UBE2S: variants seen among roughly 807,000 people sequenced by gnomAD.
UBE2S encodes ubiquitin-conjugating enzyme E2 S.
Under a neutral mutation model 12.3 loss-of-function variants are expected in UBE2S, and 3 were observed. The observed-to-expected ratio is 0.24, with a 90% CI of 0.11 to 0.63. The LOEUF is 0.63. UBE2S is among the 30% of genes least tolerant of loss of function. UBE2S has a pLI of 0.85. For synonymous variants in UBE2S, 133 were observed against 142.0 expected, an observed-to-expected ratio of 0.94 and a Z score of 0.45; for missense variants, 211 against 313.9, an observed-to-expected ratio of 0.67 and a Z score of 2.48.
At chr19:55,407,200 C>G (rs1422600701) in intron 1 of UBE2S, among the ~76,000 whole-genome samples, 17 of 150,458 alleles carry the variant, frequency 1.1e-4, no homozygotes, top group Admixed American at 2.6e-4. Context: ...CCAGAACCCC[C>G]CCCCCAAAGC....
chr19:55,403,046 T>C (rs2090072881), intron 3 of UBE2S: 2 of 1,445,786 alleles, frequency 1.4e-6, no homozygotes, highest in East Asian at 2.5e-5. Flanking sequence ...TCATTCTGTG[T>C]CATGGAGCCA....
At position 55,404,222 on chromosome 19, in the gene UBE2S, T is replaced by C; in HGVS notation, c.342+66A>G. On this transcript the variant is annotated intron_variant, in intron 3 of 3. Coordinates refer to ENST00000264552, the MANE Select transcript of UBE2S (RefSeq NM_014501.3). The surrounding 1 kb of genome is among the most constrained non-coding windows in gnomAD (Gnocchi z 4.4). Reference sequence around the variant, plus strand: ...TTCAGAAAAACTAAACAAAGCGCTATGGCTCAGACACCAGCAGACCTCCAG... The same window carrying C: ...TTCAGAAAAACTAAACAAAGCGCTACGGCTCAGACACCAGCAGACCTCCAG... 3 of 1,593,754 alleles carry C rather than the reference T, an allele frequency of 1.9e-6. No individual in the cohort carries two copies. Among genetic ancestry groups the C allele is most frequent in the East Asian group, 2.2e-5 (1 of 44,710 alleles).
Position 55,401,401 on chromosome 19 carries a change from G to C in UBE2S, c.*35C>G. The C allele has an allele frequency of 6.9e-7, 1 of 1,456,918 alleles. No homozygotes were observed. Among genetic ancestry groups the C allele is most frequent in the Admixed American group, 1.8e-5 (1 of 54,102 alleles). The allele number at this position is 1,456,918 out of a possible 1,614,324, so 90.2% of individuals were successfully genotyped here. A position where few individuals can be genotyped will look rare whatever the true frequency, so the allele number is the denominator to read the frequency against. ...AGAGTTGGAGGGAGGGGACAGGAGA[G>C]GTTGGGGTCACGGTGGAAGGAGGAA... On this transcript the variant is annotated 3_prime_UTR_variant, in exon 4 of 4. Transcript: ENST00000264552.
chr19:55,401,547 C>A lies in UBE2S; in HGVS notation c.558G>T (p.Gly186=), dbSNP rs567912804. ...EASSTDPGAP[G]GPGGAEGPMA... is the part of the protein sequence containing the mutation. Reference sequence around the variant, plus strand: ...TGGGACCCTCAGCCCCTCCCGGGCCCCCTGGGGCCCCAGGGTCGGTGGAGG... The same window carrying A: ...TGGGACCCTCAGCCCCTCCCGGGCCACCTGGGGCCCCAGGGTCGGTGGAGG... The change falls in exon 4 of 4, where the codon GGG becomes GGT. Residue 186 remains glycine, a synonymous_variant. Transcript: ENST00000264552. 119 of 1,610,634 alleles carry A rather than the reference C, an allele frequency of 7.4e-5. No individual in the cohort carries two copies. The highest frequency in any genetic ancestry group is 9.5e-5 in the Non-Finnish European group (112 of 1,179,662).
In UBE2S at chr19:55,407,647, C is replaced by T. The variant is rs1227842899; in HGVS notation, c.-58G>A. 5.0e-5 allele frequency: 65 copies of T among 1,288,560 alleles called. 1 individual carries two copies. The South Asian group carries it at 1.3e-3, about 26-fold the overall frequency. The allele number at this position is 1,288,560 out of a possible 1,614,324, so 79.8% of individuals were successfully genotyped here. A position where few individuals can be genotyped will look rare whatever the true frequency, so the allele number is the denominator to read the frequency against. ...CCCCCTTCCTGCGTTCTTCGGTCCG[C>T]CGGCCGGGGCGGGGGGCCCAACTGC... On this transcript the variant is annotated 5_prime_UTR_variant, in exon 1 of 4. Coordinates refer to ENST00000264552, the MANE Select transcript of UBE2S (RefSeq NM_014501.3).
rs2090081766 is a variant in UBE2S, at chr19:55,404,204, A to G, written c.342+84T>C. Reference sequence around the variant, plus strand: ...CAACCACTTCAGAGTTGATTCAGAAAAACTAAACAAAGCGCTATGGCTCAG... The same window carrying G: ...CAACCACTTCAGAGTTGATTCAGAAGAACTAAACAAAGCGCTATGGCTCAG... On this transcript the variant is annotated intron_variant, in intron 3 of 3. Coordinates refer to ENST00000264552, the MANE Select transcript of UBE2S (RefSeq NM_014501.3). The surrounding 1 kb of genome is among the most constrained non-coding windows in gnomAD (Gnocchi z 4.4). The G allele has an allele frequency of 6.4e-7, 1 of 1,557,256 alleles. No homozygotes were observed. The highest frequency in any genetic ancestry group is 8.8e-7 in the Non-Finnish European group (1 of 1,140,522).
rs2090060456 is a variant in UBE2S, at chr19:55,401,717, TGAGTGCAGACTCGGGGTTA to T, written c.369_387del (p.Asn124ThrfsTer139). The T allele has an allele frequency of 6.2e-7, 1 of 1,613,356 alleles. No individual in the cohort carries two copies. The highest frequency in any genetic ancestry group is 1.3e-5 in the African/African-American group (1 of 74,950). On this transcript the variant is annotated frameshift_variant, in exon 4 of 4. Coordinates refer to ENST00000264552, the MANE Select transcript of UBE2S (RefSeq NM_014501.3). LOFTEE classifies it low-confidence loss of function (END_TRUNC). ...AAGAGCAGGCGGCCCGCCTCCTCGTTGAGTGCAGACTCGGGGTTAGGGTGGATCAGCAGGCACTTGATGG... is the reference window on the plus strand; with the variant it reads ...AAGAGCAGGCGGCCCGCCTCCTCGTTGGGTGGATCAGCAGGCACTTGATGG...
rs2090106092 is a variant in UBE2S, at chr19:55,407,718, C to G, written c.-129G>C. On this transcript the variant is annotated 5_prime_UTR_variant, in exon 1 of 4. Coordinates refer to ENST00000264552, the MANE Select transcript of UBE2S (RefSeq NM_014501.3). ...GGCCCCGGCGGCCCCGCTCCGCTCC[C>G]CGCTGCCTCCGACGTCCGCCGCGCA... 2 of 662,228 alleles carry G rather than the reference C, an allele frequency of 3.0e-6. No individual in the cohort carries two copies. Among genetic ancestry groups the G allele is most frequent in the Non-Finnish European group, 4.3e-6 (2 of 470,564 alleles). 41.0% of individuals were successfully genotyped at this position (662,228 alleles called of 1,614,324 possible). A position where few individuals can be genotyped will look rare whatever the true frequency, so the allele number is the denominator to read the frequency against.
Position 55,404,251 on chromosome 19 carries a change from C to G in UBE2S, c.342+37G>C. On this transcript the variant is annotated intron_variant, in intron 3 of 3. Transcript: ENST00000264552. This position sits in a 1 kb window ranked among gnomAD's most constrained non-coding sequence, Gnocchi z 4.4. ...TCAGACACCAGCAGACCTCCAGAGG[C>G]AGGAGGCAGGAGGCCCAGCCCCAGC... 2.5e-6 allele frequency: 4 copies of G among 1,611,034 alleles called. No homozygotes were observed. Among genetic ancestry groups the G allele is most frequent in the Non-Finnish European group, 2.5e-6 (3 of 1,178,924 alleles).
At position 55,401,357 on chromosome 19, in the gene UBE2S, A is replaced by G; in HGVS notation, c.*79T>C. ...TGTACCCTCCCCGACCCCAGCCATA[A>G]TTTAAATAACTTAGAGACAGAGTTG... On this transcript the variant is annotated 3_prime_UTR_variant, in exon 4 of 4. Coordinates refer to ENST00000264552, the MANE Select transcript of UBE2S (RefSeq NM_014501.3). The G allele has an allele frequency of 9.7e-7, 1 of 1,036,086 alleles. No individual in the cohort carries two copies. The highest frequency in any genetic ancestry group is 1.4e-6 in the Non-Finnish European group (1 of 722,896). The allele number at this position is 1,036,086 out of a possible 1,614,324, so 64.2% of individuals were successfully genotyped here. A position where few individuals can be genotyped will look rare whatever the true frequency, so the allele number is the denominator to read the frequency against.
intron 3 of UBE2S, chr19:55,403,878 T>A (rs926589030): frequency 5.3e-6 from 1 of 188,600 alleles, no homozygotes; most frequent in African/African-American, 2.4e-5. Context: ...GTAGCTGGGA[T>A]TACAGGCATG....
intron 3 of UBE2S, among the ~76,000 whole-genome samples, chr19:55,402,035 T>G (rs1320266693): frequency 1.3e-5 from 2 of 152,222 alleles, no homozygotes; most frequent in Non-Finnish European, 2.9e-5. Context: ...TGGAACTTGC[T>G]GGGTAACGGG....
Position 55,401,071 on chromosome 19 carries a change from A to C in UBE2S, c.*365T>G. On this transcript the variant is annotated 3_prime_UTR_variant, in exon 4 of 4. Transcript: ENST00000264552. ...GGTCCTCGCCCCATTTTAGATTGGA[A>C]ATCTGACTCCAAAGAGGGGTTGTGA... The C allele has an allele frequency of 7.7e-6, 2 of 261,306 alleles. No individual in the cohort carries two copies. The highest frequency in any genetic ancestry group is 1.5e-5 in the Non-Finnish European group (2 of 135,682). The allele number at this position is 261,306 out of a possible 1,614,324, so 16.2% of individuals were successfully genotyped here.
intron 3 of UBE2S, among the ~76,000 whole-genome samples, chr19:55,402,600 C>T (rs2090068414): frequency 6.6e-6 from 1 of 152,190 alleles, no homozygotes; most frequent in African/African-American, 2.4e-5. Flanking sequence ...AGATGCTCAG[C>T]AGATATCACT....
intron 3 of UBE2S, chr19:55,402,882 C>T (rs971458093): frequency 7.9e-6 from 11 of 1,397,430 alleles, no homozygotes; most frequent in Middle Eastern, 2.0e-4. Flanking sequence ...CAATTCCCCA[C>T]CCTCTCTGCC....
rs1183940498 is a variant in UBE2S at position 55,400,833 on chromosome 19, G to A, written c.*603C>T. ...GGGAACAGGCTTTGCTGCCCACAAG[G>A]GAAAAACCAATCTTTAGCACAAAGC... On this transcript the variant is annotated 3_prime_UTR_variant, in exon 4 of 4. Coordinates refer to ENST00000264552, the MANE Select transcript of UBE2S (RefSeq NM_014501.3). 6.5e-6 allele frequency: 1 copy of A among 152,996 alleles called. No homozygotes were observed. The highest frequency in any genetic ancestry group is 2.4e-5 in the African/African-American group (1 of 41,462). The allele number at this position is 152,996 out of a possible 1,614,324, so 9.5% of individuals were successfully genotyped here.
Position 55,407,686 on chromosome 19 carries a change from CT to C in UBE2S, c.-98del, listed in dbSNP as rs2090105791. ...GGGCCCAACTGCTGCCGCTGCGGCCCTGGAGAGGCCCCGGCGGCCCCGCTCC... is the reference window on the plus strand; with the variant it reads ...GGGCCCAACTGCTGCCGCTGCGGCCCGGAGAGGCCCCGGCGGCCCCGCTCC... On this transcript the variant is annotated 5_prime_UTR_variant, in exon 1 of 4. Transcript: ENST00000264552. 4.9e-6 allele frequency: 5 copies of C among 1,015,412 alleles called. No individual in the cohort carries two copies. The highest frequency in any genetic ancestry group is 3.1e-5 in the South Asian group (1 of 32,468). The allele number at this position is 1,015,412 out of a possible 1,614,324, so 62.9% of individuals were successfully genotyped here. A position where few individuals can be genotyped will look rare whatever the true frequency, so the allele number is the denominator to read the frequency against.
chr19:55,404,979 G>A lies in UBE2S; in HGVS notation c.152-501C>T, dbSNP rs534859194. Among the ~76,000 whole-genome samples, 1 of 152,056 alleles carries A rather than the reference G, an allele frequency of 6.6e-6. No individual in the cohort carries two copies. Among genetic ancestry groups the A allele is most frequent in the Non-Finnish European group, 1.5e-5 (1 of 67,934 alleles). ...TAATCCCAGCACTTTGGGAGGCTAAGGCGGGTGGATCACCTGAGGTCAGGA... is the reference window on the plus strand; with the variant it reads ...TAATCCCAGCACTTTGGGAGGCTAAAGCGGGTGGATCACCTGAGGTCAGGA... On this transcript the variant is annotated intron_variant, in intron 2 of 3. Transcript: ENST00000264552. This position sits in a 1 kb window ranked among gnomAD's most constrained non-coding sequence, Gnocchi z 4.4.
rs779911224 is a variant in UBE2S at position 55,407,785 on chromosome 19, A to G, written c.-196T>C. ...GCCGCCCCGGTGCCCGGCAGCACTG[A>G]GCCGGCCGCGCGCGCACCACTGCCT... On this transcript the variant is annotated 5_prime_UTR_variant, in exon 1 of 4. Coordinates refer to ENST00000264552, the MANE Select transcript of UBE2S (RefSeq NM_014501.3). 43 of 348,610 alleles carry G rather than the reference A, an allele frequency of 1.2e-4. No homozygotes were observed. The highest frequency in any genetic ancestry group is 2.4e-4 in the Admixed American group (5 of 20,462). 21.6% of individuals were successfully genotyped at this position (348,610 alleles called of 1,614,324 possible).
Sources: gnomAD v4.1 joint callset for allele counts (sites outside exome capture counted in the v4.1 genomes callset) on GRCh38, gnomAD v4.1.1 for gene constraint, Gnocchi (gnomAD v3.1) non-coding constraint, MANE v1.5 for transcripts, NCBI Gene and HGNC (gene_info 2026-07-23, HGNC 2026-07-21) for gene names.